CEP63: variants seen among roughly 807,000 people sequenced by gnomAD.
CEP63 encodes the protein centrosomal protein 63.
Under a neutral mutation model 89.1 loss-of-function variants are expected in CEP63, and 84 were observed. The observed-to-expected ratio is 0.94, with a 90% CI of 0.79 to 1.13. The LOEUF (loss-of-function observed/expected upper bound fraction) is 1.13. Among genes scored for constraint, CEP63 ranks in the 50% most tolerant of loss-of-function variants. CEP63 has a pLI of 0.00. For synonymous variants in CEP63, 267 were observed against 272.5 expected, an observed-to-expected ratio of 0.98 and a Z score of 0.20; for missense variants, 838 against 813.3, an observed-to-expected ratio of 1.03 and a Z score of -0.37.
At chr3:134,715,069 A>G in the CEP63 span, among the ~76,000 whole-genome samples, 3 of 152,196 alleles carry the variant, frequency 2.0e-5, no homozygotes, top group Admixed American at 6.5e-5. Flanking sequence ...AGCCCTCCAC[A>G]TCTTTGTTGC....
At chr3:134,610,888 G>A in the CEP63 span, among the ~76,000 whole-genome samples, 6 of 152,228 alleles carry the variant, frequency 3.9e-5, no homozygotes. Context: ...GTGAGGTGTT[G>A]TGGGGTTGCT....
chr3:134,738,556 G>A, the CEP63 span, among the ~76,000 whole-genome samples: 2 of 152,038 alleles, frequency 1.3e-5, no homozygotes, highest in Non-Finnish European at 2.9e-5. Flanking sequence ...CTGATATGTG[G>A]GAGTTAAGCT....
chr3:134,750,158 A>T, the CEP63 span, among the ~76,000 whole-genome samples: 1 of 152,128 alleles, frequency 6.6e-6, no homozygotes, highest in African/African-American at 2.4e-5. Context: ...AACCTTCCCA[A>T]TGTGAGCTCT....
the CEP63 span, among the ~76,000 whole-genome samples, chr3:134,761,676 G>A: frequency 2.6e-5 from 4 of 152,114 alleles, no homozygotes; most frequent in Non-Finnish European, 5.9e-5. Flanking sequence ...TGTCCACCTA[G>A]CCCTGGTACA....
rs764941319 is a variant in CEP63 at position 134,559,432 on chromosome 3, A to G, written c.1953+3A>G. ...ACCAAGAAGAGTTTATATCTTCGGT[A>G]TGGAAACTTTCTGATCTTAGTAATT... On this transcript the variant is annotated splice_donor_region_variant and intron_variant, in intron 14 of 14. Transcript: ENST00000675561. 1.9e-6 allele frequency: 3 copies of G among 1,610,932 alleles called. No individual in the cohort carries two copies. Among genetic ancestry groups the G allele is most frequent in the East Asian group, 2.2e-5 (1 of 44,860 alleles).
rs772320911 is a variant in CEP63 at position 134,507,207 on chromosome 3, A to T, written c.143A>T (p.His48Leu). The T allele has an allele frequency of 6.2e-7, 1 of 1,613,824 alleles. No individual in the cohort carries two copies. The highest frequency in any genetic ancestry group is 1.3e-5 in the African/African-American group (1 of 75,030). ...AAATCTGAATGGGAAGGACGTACAC[A>T]TGCTCTAGAAACTTGCTTGAAAATC... Reference protein sequence around the residue: ...HKKSEWEGRTHALETCLKIRE... With the variant: ...HKKSEWEGRTLALETCLKIRE... Residue 48 changes from histidine to leucine, a missense_variant, in exon 3 of 15, where the codon CAT becomes CTT. By Grantham distance (99) the His-to-Leu change is moderately conservative. Transcript: ENST00000675561.
the CEP63 span, among the ~76,000 whole-genome samples, chr3:134,711,909 T>C: frequency 1 from 152,011 of 152,046 alleles, 75,988 homozygotes; most frequent in Middle Eastern, 1. Flanking sequence ...ATTACAAGCA[T>C]GTGCCACCAT....
At position 134,495,738 on chromosome 3, in the gene CEP63, C is replaced by T. The variant is rs567988975; in HGVS notation, c.44+374C>T. ...TTAACCAAACATTCTTCACCCCCAA[C>T]CCCTTCCCAGCCTCTGGTAACCATC... On this transcript the variant is annotated intron_variant, in intron 2 of 14. Coordinates refer to ENST00000675561, the MANE Select transcript of CEP63 (RefSeq NM_001353108.3). 3.9e-5 allele frequency among the ~76,000 whole-genome samples: 6 copies of T among 152,278 alleles called. No homozygotes were observed. The South Asian group carries it at 1.0e-3, about 26-fold the overall frequency.
At chr3:134,691,478 T>C in the CEP63 span, among the ~76,000 whole-genome samples, 19 of 150,486 alleles carry the variant, frequency 1.3e-4, no homozygotes, top group East Asian at 2.6e-3. Flanking sequence ...TTTAGCTGGG[T>C]GTGGTGGTGT....
chr3:134,616,101 C>T, the CEP63 span, among the ~76,000 whole-genome samples: 15 of 152,222 alleles, frequency 9.9e-5, no homozygotes, highest in Admixed American at 3.3e-4. Context: ...TTGGCTCCTG[C>T]GAGGAAATTA....
At chr3:134,694,092 C>A in the CEP63 span, among the ~76,000 whole-genome samples, 70 of 152,350 alleles carry the variant, frequency 4.6e-4, no homozygotes, top group African/African-American at 1.6e-3. Context: ...AAAGGAAAGC[C>A]TCCAGCCTCC....
the CEP63 span, among the ~76,000 whole-genome samples, chr3:134,633,814 G>A: frequency 6.6e-6 from 1 of 152,076 alleles, no homozygotes; most frequent in African/African-American, 2.4e-5. Context: ...AAATAAAACT[G>A]TCTTTATTCA....
chr3:134,691,339 CAGAG>C, the CEP63 span, among the ~76,000 whole-genome samples: 10,686 of 144,186 alleles, frequency 0.074, 641 homozygotes, highest in African/African-American at 0.18. Context: ...GCCTGGGTGA[CAGAG>C]AGAGATCCTG....
At chr3:134,769,848 C>T in the CEP63 span, among the ~76,000 whole-genome samples, 2 of 152,212 alleles carry the variant, frequency 1.3e-5, no homozygotes, top group African/African-American at 4.8e-5. Context: ...AAATGACATA[C>T]AGGTGTATAT....
At chr3:134,777,763 G>A in the CEP63 span, among the ~76,000 whole-genome samples, 4 of 151,232 alleles carry the variant, frequency 2.6e-5, no homozygotes, top group African/African-American at 7.3e-5. Context: ...ACAGGTACAC[G>A]CCACTATGCC....
chr3:134,560,264 G>A (rs1189534674), intron 14 of CEP63, among the ~76,000 whole-genome samples: 1 of 152,078 alleles, frequency 6.6e-6, no homozygotes, highest in Non-Finnish European at 1.5e-5. Context: ...TTTGGTGATG[G>A]GATGTTCCCT....
the CEP63 span, among the ~76,000 whole-genome samples, chr3:134,606,795 C>T: frequency 5.4e-4 from 82 of 151,926 alleles, 1 homozygote; most frequent in Admixed American, 1.6e-3. Context: ...TGGGAGTCCA[C>T]GGCTCTTCCA....
chr3:134,557,429 G>T (rs1577400137), intron 12 of CEP63, among the ~76,000 whole-genome samples: 1 of 122,574 alleles, frequency 8.2e-6, no homozygotes, highest in Admixed American at 9.2e-5. Context: ...GCTAACCATG[G>T]TATTAAACTC....
the CEP63 span, among the ~76,000 whole-genome samples, chr3:134,781,397 T>C: frequency 5.2e-5 from 8 of 152,388 alleles, no homozygotes; most frequent in Admixed American, 4.6e-4. Flanking sequence ...TTACAAACTT[T>C]CTTAAGATTT....
Sources: gnomAD v4.1 joint callset for allele counts (sites outside exome capture counted in the v4.1 genomes callset) on GRCh38, gnomAD v4.1.1 for gene constraint, MANE v1.5 for transcripts, NCBI Gene and HGNC (gene_info 2026-07-23, HGNC 2026-07-21) for gene names.